BLTP1: variants seen among roughly 807,000 people sequenced by gnomAD.
BLTP1 encodes the protein bridge-like lipid transfer protein family member 1, also known as fragile site-associated protein.
the BLTP1 span, chr4:122,340,748 T>C: frequency 1.0e-6 from 1 of 984,920 alleles, no homozygotes. Context: ...GGAGTTGTGT[T>C]GTCAACAAAA....
chr4:122,245,495 A>G, the BLTP1 span, among the ~76,000 whole-genome samples: 1 of 152,060 alleles, frequency 6.6e-6, no homozygotes, highest in Non-Finnish European at 1.5e-5. Flanking sequence ...ATTTTCCTCT[A>G]TGATTAGATG....
the BLTP1 span, chr4:122,262,571 G>T: frequency 9.2e-6 from 2 of 216,344 alleles, no homozygotes; most frequent in East Asian, 1.8e-4. Context: ...CTATAGAGTT[G>T]CAAAACATTT....
At chr4:122,283,491 C>T in the BLTP1 span, among the ~76,000 whole-genome samples, 2 of 151,986 alleles carry the variant, frequency 1.3e-5, no homozygotes, top group Non-Finnish European at 2.9e-5. Context: ...TGTTTTTGAT[C>T]CTTTGCTCTT....
At chr4:122,233,167 T>C in the BLTP1 span, among the ~76,000 whole-genome samples, 1 of 152,198 alleles carries the variant, frequency 6.6e-6, no homozygotes, top group South Asian at 2.1e-4. Context: ...CAACGAGCCA[T>C]TCAGTTGATT....
At chr4:122,238,628 G>A in the BLTP1 span, among the ~76,000 whole-genome samples, 1 of 152,192 alleles carries the variant, frequency 6.6e-6, no homozygotes, top group Admixed American at 6.5e-5. Flanking sequence ...TTAACATTCA[G>A]ATATTATCCT....
At chr4:122,271,492 T>C in the BLTP1 span, 6 of 1,613,440 alleles carry the variant, frequency 3.7e-6, no homozygotes, top group Non-Finnish European at 5.1e-6. Context: ...GAAACAAGAA[T>C]TCATTAGGAA....
the BLTP1 span, chr4:122,207,728 C>T: frequency 9.0e-7 from 1 of 1,107,232 alleles, no homozygotes; most frequent in South Asian, 1.8e-5. Flanking sequence ...CTCCCCAGTC[C>T]ATTGCAACTT....
At chr4:122,237,287 T>C in the BLTP1 span, 3 of 985,288 alleles carry the variant, frequency 3.0e-6, no homozygotes, top group Non-Finnish European at 3.6e-6. Flanking sequence ...TCTTTTTATT[T>C]CCCCCAGCCC....
At chr4:122,190,755 A>C in the BLTP1 span, among the ~76,000 whole-genome samples, 1 of 152,134 alleles carries the variant, frequency 6.6e-6, no homozygotes, top group Non-Finnish European at 1.5e-5. Flanking sequence ...TGAGGATTGA[A>C]ATTCATCTAG....
At chr4:122,295,576 C>G in the BLTP1 span, among the ~76,000 whole-genome samples, 2 of 152,108 alleles carry the variant, frequency 1.3e-5, no homozygotes, top group Non-Finnish European at 2.9e-5. Context: ...GGAGGGACTC[C>G]TCCCTAACTC....
chr4:122,346,539 T>G, the BLTP1 span: 1 of 1,492,232 alleles, frequency 6.7e-7, no homozygotes, highest in Non-Finnish European at 8.9e-7. Flanking sequence ...AATTCAGCTG[T>G]GTAATAACCC....
At chr4:122,245,965 A>C in the BLTP1 span, 1 of 230,982 alleles carries the variant, frequency 4.3e-6, no homozygotes, top group Non-Finnish European at 7.1e-6. Context: ...TACTTTTCTC[A>C]ACCATGATGC....
chr4:122,187,003 A>T, the BLTP1 span: 7 of 984,834 alleles, frequency 7.1e-6, no homozygotes, highest in Non-Finnish European at 8.4e-6. Flanking sequence ...GAGCAACTGG[A>T]TTGTTTTCAG....
At chr4:122,247,851 A>C in the BLTP1 span, 2 of 980,436 alleles carry the variant, frequency 2.0e-6, no homozygotes, top group Non-Finnish European at 2.4e-6. Flanking sequence ...GTTATACATC[A>C]TTTTAATATT....
chr4:122,290,991 G>T, the BLTP1 span: 1 of 823,446 alleles, frequency 1.2e-6, no homozygotes, highest in Admixed American at 6.3e-5. Flanking sequence ...CCTAGTATCA[G>T]ACTGTCAGGG....
chr4:122,230,309 A>G, the BLTP1 span: 8 of 1,016,728 alleles, frequency 7.9e-6, 1 homozygote, highest in South Asian at 1.1e-4. Context: ...GACTAAGAAT[A>G]TTTTAAATAA....
At chr4:122,346,560 C>G in the BLTP1 span, 1 of 1,569,734 alleles carries the variant, frequency 6.4e-7, no homozygotes, top group East Asian at 2.3e-5. Context: ...TGTCTTATAC[C>G]TACCATGTGA....
chr4:122,298,766 T>A, the BLTP1 span: 19 of 656,348 alleles, frequency 2.9e-5, no homozygotes, highest in Non-Finnish European at 3.6e-5. Context: ...TGATTCGAAC[T>A]GATACTTGAG....
chr4:122,247,855 T>C, the BLTP1 span: 6 of 980,482 alleles, frequency 6.1e-6, no homozygotes, highest in Non-Finnish European at 7.3e-6. Context: ...TACATCATTT[T>C]AATATTTTTG....
Sources: gnomAD v4.1 joint callset for allele counts (sites outside exome capture counted in the v4.1 genomes callset) on GRCh38, gnomAD v4.1.1 for gene constraint, MANE v1.5 for transcripts, NCBI Gene and HGNC (gene_info 2026-07-23, HGNC 2026-07-21) for gene names.